ZBTB20: variants seen among roughly 807,000 people sequenced by gnomAD.
ZBTB20 encodes the protein zinc finger and BTB domain-containing protein 20.
In ZBTB20, 9 loss-of-function variants were observed where a neutral mutation model predicts 56.9. The observed-to-expected ratio is 0.16, with a 90% CI of 0.10 to 0.28. The LOEUF is 0.28. Among genes scored for constraint, ZBTB20 ranks in the 10% least tolerant of loss-of-function variants. The pLI is 1.00. For synonymous variants in ZBTB20, 417 were observed against 420.7 expected, an observed-to-expected ratio of 0.99 and a Z score of 0.11; for missense variants, 655 against 1,003.0, an observed-to-expected ratio of 0.65 and a Z score of 4.69.
rs186763242 is a variant in ZBTB20 at position 114,832,678 on chromosome 3, T to C, written c.-416-31504A>G. 2.6e-3 allele frequency among the ~76,000 whole-genome samples: 393 copies of C among 152,286 alleles called. 1 individual carries two copies. The highest frequency in any genetic ancestry group is 9.1e-3 in the African/African-American group (377 of 41,572). On this transcript the variant is annotated intron_variant, in intron 4 of 11. Coordinates refer to ENST00000675478, the MANE Select transcript of ZBTB20 (RefSeq NM_001348800.3). ...AAATTCTCTAGGCTCAAAGTCAATA[T>C]GTAAGTCTAATTTTTTTAAATGCAC... is the stretch of plus-strand genomic sequence containing the variant.
chr3:114,417,828 C>T (rs773044572), intron 7 of ZBTB20, among the ~76,000 whole-genome samples: 1 of 151,986 alleles, frequency 6.6e-6, no homozygotes, highest in Non-Finnish European at 1.5e-5. Flanking sequence ...ATTTCTTCTA[C>T]CCTCCCCTTC....
Position 114,845,242 on chromosome 3 carries a change from A to G in ZBTB20, c.-416-44068T>C, listed in dbSNP as rs192114640. Among the ~76,000 whole-genome samples, 635 of 151,540 alleles carry G rather than the reference A, an allele frequency of 4.2e-3. 1 individual carries two copies. Among genetic ancestry groups the G allele is most frequent in the South Asian group, 0.016 (75 of 4,760 alleles). ...CAATAAACATCTGATGGATAAATTA[A>G]AATTTCAAATAGTGAAAGCAAAATT... On this transcript the variant is annotated intron_variant, in intron 4 of 11. Coordinates refer to ENST00000675478, the MANE Select transcript of ZBTB20 (RefSeq NM_001348800.3).
At chr3:114,741,030 T>G (rs1030811116) in intron 5 of ZBTB20, among the ~76,000 whole-genome samples, 6 of 152,226 alleles carry the variant, frequency 3.9e-5, no homozygotes, top group Non-Finnish European at 5.9e-5. Flanking sequence ...TGAGATGGAC[T>G]CCTTGGCTTC....
At chr3:114,908,344 A>G (rs2075396599) in intron 3 of ZBTB20, among the ~76,000 whole-genome samples, 1 of 152,060 alleles carries the variant, frequency 6.6e-6, no homozygotes, top group Non-Finnish European at 1.5e-5. Context: ...AAGAAGATAG[A>G]GCTAGGGTAT....
intron 7 of ZBTB20, among the ~76,000 whole-genome samples, chr3:114,455,389 C>T (rs1398734671): frequency 2.0e-5 from 3 of 152,084 alleles, no homozygotes; most frequent in Admixed American, 6.6e-5. Context: ...AAACTTACAA[C>T]TAAACAAAAA....
intron 6 of ZBTB20, among the ~76,000 whole-genome samples, chr3:114,539,365 C>T (rs2048846742): frequency 6.6e-6 from 1 of 152,112 alleles, no homozygotes; most frequent in African/African-American, 2.4e-5. Context: ...TGATTCTCCA[C>T]TATTTTTGGC....
chr3:114,892,025 C>T (rs1303560585), intron 4 of ZBTB20, among the ~76,000 whole-genome samples: 2 of 151,526 alleles, frequency 1.3e-5, no homozygotes, highest in South Asian at 2.1e-4. Context: ...CCAGCCTGGG[C>T]GACAGAGCGA....
intron 4 of ZBTB20, among the ~76,000 whole-genome samples, chr3:114,818,236 A>G (rs1051113077): frequency 3.3e-5 from 5 of 152,150 alleles, no homozygotes; most frequent in Non-Finnish European, 5.9e-5. Context: ...CATAATTTCA[A>G]TTGTGAATCA....
chr3:114,993,885 A>G (rs1294749641), intron 2 of ZBTB20, among the ~76,000 whole-genome samples: 1 of 151,770 alleles, frequency 6.6e-6, no homozygotes, highest in Non-Finnish European at 1.5e-5. Flanking sequence ...TGTAAAAGAG[A>G]AGGAAAGAAT....
chr3:114,450,266 G>A (rs914766813), intron 7 of ZBTB20, among the ~76,000 whole-genome samples: 7 of 152,130 alleles, frequency 4.6e-5, no homozygotes, highest in African/African-American at 7.2e-5. Context: ...TGCTCAGCAG[G>A]CAATTTAAAA....
intron 3 of ZBTB20, among the ~76,000 whole-genome samples, chr3:114,914,233 G>T (rs1046814706): frequency 4.0e-5 from 6 of 151,734 alleles, no homozygotes; most frequent in Non-Finnish European, 8.8e-5. Flanking sequence ...CCATTTTTTT[G>T]TGTGTCCCTT....
intron 6 of ZBTB20, among the ~76,000 whole-genome samples, chr3:114,560,668 C>T (rs2051906460): frequency 6.6e-6 from 1 of 152,160 alleles, no homozygotes; most frequent in African/African-American, 2.4e-5. Context: ...GCTCACCACC[C>T]TCTGAGCTTT....
chr3:114,820,588 C>G (rs758690417), intron 4 of ZBTB20, among the ~76,000 whole-genome samples: 1 of 151,814 alleles, frequency 6.6e-6, no homozygotes, highest in South Asian at 2.1e-4. Flanking sequence ...TTATTTTAAG[C>G]CTAAAATGAA....
At chr3:114,904,843 GA>G (rs1372719946) in intron 3 of ZBTB20, among the ~76,000 whole-genome samples, 1 of 151,824 alleles carries the variant, frequency 6.6e-6, no homozygotes, top group Non-Finnish European at 1.5e-5. Flanking sequence ...AATAAAGAAG[GA>G]AAAGGAAATC....
chr3:114,884,694 G>T (rs2076537975), intron 4 of ZBTB20, among the ~76,000 whole-genome samples: 1 of 152,138 alleles, frequency 6.6e-6, no homozygotes, highest in Non-Finnish European at 1.5e-5. Context: ...ACCTCAAATG[G>T]AGAGATAACT....
intron 7 of ZBTB20, among the ~76,000 whole-genome samples, chr3:114,439,867 G>T (rs975438541): frequency 6.6e-6 from 1 of 152,116 alleles, no homozygotes; most frequent in East Asian, 1.9e-4. Context: ...CCTTGATTTA[G>T]GATTTTTTAA....
chr3:114,514,733 G>C (rs1169264761), intron 6 of ZBTB20, among the ~76,000 whole-genome samples: 2 of 152,094 alleles, frequency 1.3e-5, no homozygotes, highest in African/African-American at 4.8e-5. Context: ...AACAAAGAAA[G>C]GGAGAGCGAG....
chr3:115,130,445 C>A (rs533981164), intron 1 of ZBTB20, among the ~76,000 whole-genome samples: 2 of 152,280 alleles, frequency 1.3e-5, no homozygotes, highest in Admixed American at 1.3e-4. Flanking sequence ...GAACACTGAA[C>A]AAAGTGAAAC....
chr3:114,663,808 G>A (rs1248820369), intron 6 of ZBTB20, among the ~76,000 whole-genome samples: 1 of 151,264 alleles, frequency 6.6e-6, no homozygotes, highest in Non-Finnish European at 1.5e-5. Flanking sequence ...TTACATAATG[G>A]TAAAGGGATC....
Sources: allele counts gnomAD v4.1 joint callset (sites outside exome capture counted in the v4.1 genomes callset), GRCh38; gene constraint gnomAD v4.1.1; transcripts MANE v1.5; gene names NCBI Gene and HGNC (gene_info 2026-07-23, HGNC 2026-07-21).